PTPRK: variants seen among roughly 807,000 people sequenced by gnomAD.
PTPRK encodes receptor-type tyrosine-protein phosphatase kappa.
Under a neutral mutation model 178.0 loss-of-function variants are expected in PTPRK, and 75 were observed. The ratio of observed to expected loss-of-function variants is 0.42; its 90% CI spans 0.35 to 0.51. The LOEUF is 0.51. PTPRK is among the 20% of genes least tolerant of loss of function. PTPRK has a pLI of 0.02. For synonymous variants in PTPRK, 637 were observed against 620.6 expected (o/e 1.03, Z -0.39); for missense variants, 1,441 against 1,797.8 (o/e 0.80, Z 3.59).
chr6:128,419,804 C>T, intron 1 of PTPRK, among the ~76,000 whole-genome samples: 1 of 152,098 alleles, frequency 6.6e-6, no homozygotes, highest in Middle Eastern at 3.4e-3. Context: ...TTTATGTTCC[C>T]AACAAAAAAA....
chr6:128,190,171 A>G (rs903364409), intron 6 of PTPRK, among the ~76,000 whole-genome samples: 1 of 152,152 alleles, frequency 6.6e-6, no homozygotes, highest in Non-Finnish European at 1.5e-5. Flanking sequence ...TGAAAATTTT[A>G]GATTTAATAA....
At chr6:128,318,327 A>G (rs939122484) in intron 3 of PTPRK, among the ~76,000 whole-genome samples, 3 of 152,182 alleles carry the variant, frequency 2.0e-5, no homozygotes, top group African/African-American at 7.2e-5. Context: ...GAGTATAACA[A>G]TCTTTCTACT....
chr6:128,105,685 C>T (rs903472282), intron 7 of PTPRK, among the ~76,000 whole-genome samples: 1 of 152,194 alleles, frequency 6.6e-6, no homozygotes, highest in Non-Finnish European at 1.5e-5. Flanking sequence ...AGATGCCCTG[C>T]ACTAACTAAG....
chr6:128,309,216 A>C (rs2128315304), intron 3 of PTPRK, among the ~76,000 whole-genome samples: 1 of 152,250 alleles, frequency 6.6e-6, no homozygotes, highest in African/African-American at 2.4e-5. Flanking sequence ...AGACCAACTA[A>C]AAGACATGGT....
chr6:128,480,758 G>A (rs1398589158), intron 1 of PTPRK, among the ~76,000 whole-genome samples: 4 of 152,178 alleles, frequency 2.6e-5, no homozygotes, highest in Non-Finnish European at 5.9e-5. Flanking sequence ...CAGGGTTCAT[G>A]ACTTCCAGTC....
chr6:128,250,010 G>A (rs1350703770), intron 3 of PTPRK, among the ~76,000 whole-genome samples: 4 of 152,184 alleles, frequency 2.6e-5, no homozygotes, highest in Non-Finnish European at 4.4e-5. Context: ...TCTCATGGTA[G>A]TGAATAAGTC....
chr6:128,200,029 G>T (rs181480764), intron 6 of PTPRK, among the ~76,000 whole-genome samples: 1 of 152,180 alleles, frequency 6.6e-6, no homozygotes, highest in African/African-American at 2.4e-5. Context: ...CCACATAAAG[G>T]CATCAAGTAA....
At chr6:128,471,352 G>A (rs1850623676) in intron 1 of PTPRK, among the ~76,000 whole-genome samples, 1 of 151,662 alleles carries the variant, frequency 6.6e-6, no homozygotes, top group South Asian at 2.1e-4. Context: ...AGAAACTGAG[G>A]CAGGAAATGA....
In PTPRK at chr6:128,216,299, G is replaced by A. The variant is rs193057172; in HGVS notation, c.868+2623C>T. Among the ~76,000 whole-genome samples the A allele has an allele frequency of 5.1e-4, 77 of 152,180 alleles. No individual in the cohort carries two copies. The East Asian group carries it at 0.014, about 28-fold the overall frequency. ...TGCCTGTAATCCCAGCACTTTGGGA[G>A]GCTGAGACGGATGGATCACAAGGTC... On this transcript the variant is annotated intron_variant, in intron 6 of 29. Coordinates refer to ENST00000368226, the MANE Select transcript of PTPRK (RefSeq NM_002844.4).
chr6:128,158,374 C>T (rs990857777), intron 7 of PTPRK, among the ~76,000 whole-genome samples: 3 of 151,712 alleles, frequency 2.0e-5, no homozygotes, highest in Non-Finnish European at 2.9e-5. Context: ...CAAACCTGCG[C>T]GTTGTGCACA....
intron 13 of PTPRK, among the ~76,000 whole-genome samples, chr6:128,013,345 T>C (rs1338937978): frequency 2.6e-5 from 4 of 151,406 alleles, no homozygotes; most frequent in African/African-American, 9.7e-5. Flanking sequence ...TTAGTTACCA[T>C]CCTGATAACT....
chr6:128,226,992 C>G (rs937381010), intron 5 of PTPRK, among the ~76,000 whole-genome samples: 2 of 151,752 alleles, frequency 1.3e-5, no homozygotes, highest in Admixed American at 1.3e-4. Context: ...TACTTATAAC[C>G]TCTCTTGCCA....
At chr6:128,005,955 G>A (rs1460029013) in intron 14 of PTPRK, 4 of 1,214,982 alleles carry the variant, frequency 3.3e-6, no homozygotes, top group Non-Finnish European at 4.5e-6. Flanking sequence ...CAAGCATTCT[G>A]TTTTGTTTTT....
At chr6:128,247,132 G>A (rs1054823521) in intron 3 of PTPRK, among the ~76,000 whole-genome samples, 8 of 151,948 alleles carry the variant, frequency 5.3e-5, no homozygotes, top group East Asian at 3.9e-4. Flanking sequence ...CTGCCTTTCC[G>A]TACATCACGG....
intron 1 of PTPRK, among the ~76,000 whole-genome samples, chr6:128,488,232 A>G (rs1853250162): frequency 6.6e-6 from 1 of 152,178 alleles, no homozygotes; most frequent in African/African-American, 2.4e-5. Context: ...AGAAAGATGA[A>G]GGCCAGAAAA....
intron 13 of PTPRK, among the ~76,000 whole-genome samples, chr6:128,054,417 T>C (rs547453697): frequency 2.5e-4 from 38 of 152,270 alleles, no homozygotes; most frequent in Non-Finnish European, 4.7e-4. Context: ...TGTACTTTAC[T>C]AGAAATTTCA....
chr6:128,432,252 AC>A (rs1187179760), intron 1 of PTPRK, among the ~76,000 whole-genome samples: 8 of 152,362 alleles, frequency 5.3e-5, no homozygotes, highest in African/African-American at 1.9e-4. Flanking sequence ...ATTTGGATAT[AC>A]TTTAAATAGG....
rs1208615454 is a variant in PTPRK at position 128,519,330 on chromosome 6, TCA to T, written c.100+927_100+928del. Among the ~76,000 whole-genome samples the T allele has an allele frequency of 6.6e-6, 1 of 151,926 alleles. No individual in the cohort carries two copies. The highest frequency in any genetic ancestry group is 1.5e-5 in the Non-Finnish European group (1 of 67,968). On this transcript the variant is annotated intron_variant, in intron 1 of 29. Coordinates refer to ENST00000368226, the MANE Select transcript of PTPRK (RefSeq NM_002844.4). The surrounding 1 kb of genome is among the most constrained non-coding windows in gnomAD (Gnocchi z 4.3). ...AGGGCGGGACCGGGAGAGCCAGGGT[TCA>T]CGGACTTCTCTGAGCGGCTTGACCG...
At chr6:128,129,066 T>C (rs1793818222) in intron 7 of PTPRK, among the ~76,000 whole-genome samples, 1 of 152,192 alleles carries the variant, frequency 6.6e-6, no homozygotes, top group Admixed American at 6.5e-5. Context: ...TGAACCACGA[T>C]TTGTACAGAT....
Sources: gnomAD v4.1 joint callset for allele counts (sites outside exome capture counted in the v4.1 genomes callset) on GRCh38, gnomAD v4.1.1 for gene constraint, Gnocchi (gnomAD v3.1) non-coding constraint, MANE v1.5 for transcripts, NCBI Gene and HGNC (gene_info 2026-07-23, HGNC 2026-07-21) for gene names.